CRELD2: variants seen among roughly 807,000 people sequenced by gnomAD.
CRELD2 encodes protein disulfide isomerase CRELD2.
A neutral mutation model predicts 48.1 loss-of-function variants in CRELD2; 33 were observed. The ratio of observed to expected loss-of-function variants is 0.69; its 90% CI spans 0.52 to 0.92. CRELD2 has a LOEUF of 0.92. Among genes scored for constraint, CRELD2 ranks in the 40% least tolerant of loss-of-function variants. The pLI is 0.00. For synonymous variants in CRELD2, 220 were observed against 203.9 expected, an observed-to-expected ratio of 1.08 and a Z score of -0.67; for missense variants, 477 against 482.4, an observed-to-expected ratio of 0.99 and a Z score of 0.10.
At chr22:49,920,054 T>G in intron 3 of CRELD2, 102 bp from the exon 4 acceptor site, 1 of 843,152 alleles carries the variant, frequency 1.2e-6, no homozygotes. Context: ...TCTTGTTTCC[T>G]GGACCTTACA....
In CRELD2 at chr22:49,918,863, C is replaced by T; in HGVS notation, c.94C>T (p.His32Tyr). Reference sequence around the variant, plus strand: ...GGCCGCCAAGAAGCCGACGCCCTGCCACCGGTGCCGGGGGCTGGTGGACAA... The same window carrying T: ...GGCCGCCAAGAAGCCGACGCCCTGCTACCGGTGCCGGGGGCTGGTGGACAA... ...PEAAKKPTPCHRCRGLVDKFN... is the reference protein window; with the variant it reads ...PEAAKKPTPCYRCRGLVDKFN... The change falls in exon 1 of 10, where the codon CAC becomes TAC. Residue 32 changes from histidine to tyrosine, a missense_variant. Coordinates refer to ENST00000328268, the MANE Select transcript of CRELD2 (RefSeq NM_024324.5). 7.6e-7 allele frequency: 1 copy of T among 1,308,096 alleles called. No individual in the cohort carries two copies. The highest frequency in any genetic ancestry group is 9.7e-7 in the Non-Finnish European group (1 of 1,030,906). The allele number at this position is 1,308,096 out of a possible 1,614,324, so 81.0% of individuals were successfully genotyped here. A position where few individuals can be genotyped will look rare whatever the true frequency, so the allele number is the denominator to read the frequency against.
intron 5 of CRELD2, chr22:49,922,352 GCGTGGCGTGGGCCACGCATGGATC>G: frequency 6.2e-7 from 1 of 1,611,296 alleles, no homozygotes; most frequent in East Asian, 2.2e-5. Flanking sequence ...TTGGATGTTG[GCGTGGCGTGGGCCACGCATGGATC>G]CGTGGCCGGA....
In CRELD2 at chr22:49,920,177, A is replaced by C. The variant is rs1157116747; in HGVS notation, c.345A>C (p.Leu115Phe). 6.2e-7 allele frequency: 1 copy of C among 1,612,348 alleles called. No individual in the cohort carries two copies. The highest frequency in any genetic ancestry group is 2.2e-5 in the East Asian group (1 of 44,832). ...WLQLKSEYPD[L>F]FEWFCVKTLK... ...TCAGGAAGAGCGAATATCCTGACTT[A>C]TTCGAGTGGTTTTGTGTGAAGACAC... The change falls in exon 4 of 10, where the codon TTA (leucine) becomes TTC (phenylalanine). Residue 115 changes from leucine to phenylalanine, a missense_variant. By Grantham distance (22) the Leu-to-Phe change is conservative. Coordinates refer to ENST00000328268, the MANE Select transcript of CRELD2 (RefSeq NM_024324.5).
At position 49,927,289 on chromosome 22, in the gene CRELD2, C is replaced by T. The variant is rs1569190050; in HGVS notation, c.1044C>T (p.Pro348=). 6.2e-7 allele frequency: 1 copy of T among 1,612,414 alleles called. No individual in the cohort carries two copies. Among genetic ancestry groups the T allele is most frequent in the South Asian group, 1.1e-5 (1 of 91,080 alleles). The stretch of plus-strand genomic sequence containing the variant: ...AAGGAGAAAGCCCGACACAGCTGCC[C>T]TCCCGCGAAGACCTGTAATGTGCCG... The part of the protein sequence containing the change: ...ATEGESPTQL[P]SREDL Residue 348 remains proline, a synonymous_variant, in exon 10 of 10, where the codon CCC becomes CCT. Transcript: ENST00000328268.
chr22:49,925,646 A>G (rs56865312), intron 9 of CRELD2, 89 bp downstream of exon 9: 6 of 1,584,812 alleles, frequency 3.8e-6, no homozygotes, highest in Admixed American at 3.5e-5. Flanking sequence ...TGAAATCCAC[A>G]CAGATGGTGG....
chr22:49,924,036 T>G, intron 7 of CRELD2: 1 of 259,500 alleles, frequency 3.9e-6, no homozygotes, highest in Non-Finnish European at 7.6e-6. Context: ...CTGGTTATTC[T>G]TAGGAAGCTC....
chr22:49,920,587 T>C (rs921941002), intron 4 of CRELD2, among the ~76,000 whole-genome samples: 5 of 152,250 alleles, frequency 3.3e-5, no homozygotes, highest in African/African-American at 4.8e-5. Context: ...TGCTTCTCCC[T>C]GTGTGCACAG....
chr22:49,921,509 T>G, intron 4 of CRELD2, 76 bp from the exon 5 acceptor site: 1 of 1,453,096 alleles, frequency 6.9e-7, no homozygotes. Flanking sequence ...TTGGGTGCCA[T>G]GCGTTCTCTC....
intron 7 of CRELD2, 152 bp from the exon 8 acceptor site, chr22:49,924,208 C>T (rs902305997): frequency 1.9e-5 from 11 of 578,024 alleles, no homozygotes; most frequent in African/African-American, 1.3e-4. Context: ...GTGCTTTTGC[C>T]GGGAGACAGA....
chr22:49,922,867 T>TGAG (rs2060712069), intron 6 of CRELD2, among the ~76,000 whole-genome samples, 160 bp downstream of exon 6: 1 of 31,284 alleles, frequency 3.2e-5, no homozygotes, highest in African/African-American at 1.5e-4. Flanking sequence ...GGGCTTGGGG[T>TGAG]GTGGGGGGCG....
At chr22:49,925,147 G>A (rs547451498) in intron 8 of CRELD2, 236 of 268,130 alleles carry the variant, frequency 8.8e-4, no homozygotes, top group African/African-American at 4.9e-3. Flanking sequence ...AAAAAAAAAA[G>A]GAAAAGAAAG....
chr22:49,921,323 G>T, intron 4 of CRELD2: 1 of 510,316 alleles, frequency 2.0e-6, no homozygotes, highest in African/African-American at 1.9e-5. Flanking sequence ...GCTATGCAGG[G>T]TCCCTTGTTG....
chr22:49,925,892 C>CG, intron 9 of CRELD2: 1 of 467,834 alleles, frequency 2.1e-6, no homozygotes, highest in Non-Finnish European at 3.2e-6. Flanking sequence ...TCCGGGGAAG[C>CG]TGCCCAGGGT....
Position 49,923,066 on chromosome 22 carries a change from G to A in CRELD2, c.689-168G>A. ...CGCCTCATCCCCTCCCCTGCCGCGTGGGGCCTCCGAGGATGGCATTTGAGA... is the reference window on the plus strand; with the variant it reads ...CGCCTCATCCCCTCCCCTGCCGCGTAGGGCCTCCGAGGATGGCATTTGAGA... On this transcript the variant is annotated intron_variant, in intron 6 of 9. Coordinates refer to ENST00000328268, the MANE Select transcript of CRELD2 (RefSeq NM_024324.5). 5.0e-6 allele frequency: 3 copies of A among 605,024 alleles called. No homozygotes were observed. In the South Asian group the frequency reaches 6.3e-5, roughly 13 times the overall value. The allele number at this position is 605,024 out of a possible 1,614,324, so 37.5% of individuals were successfully genotyped here. A position where few individuals can be genotyped will look rare whatever the true frequency, so the allele number is the denominator to read the frequency against.
chr22:49,924,078 C>A, intron 7 of CRELD2: 1 of 297,376 alleles, frequency 3.4e-6, no homozygotes, highest in Non-Finnish European at 6.4e-6. Flanking sequence ...GGTCACCGAG[C>A]TGGAGGTGGG....
At chr22:49,919,986 A>G in intron 3 of CRELD2, 146 bp downstream of exon 3, 1 of 808,672 alleles carries the variant, frequency 1.2e-6, no homozygotes, top group Admixed American at 2.5e-5. Context: ...GTTTTTTATC[A>G]CCAGAGTCAG....
At chr22:49,920,353 T>C in intron 4 of CRELD2, 106 bp downstream of exon 4, 3 of 763,792 alleles carry the variant, frequency 3.9e-6, no homozygotes, top group Non-Finnish European at 6.5e-6. Flanking sequence ...GCATCAGCTT[T>C]CTGTAGGGTC....
At chr22:49,925,304 G>A (rs2060748780) in intron 8 of CRELD2, 113 bp from the exon 9 acceptor site, 15 of 761,064 alleles carry the variant, frequency 2.0e-5, no homozygotes, top group Admixed American at 2.4e-5. Context: ...GTAACGTGAC[G>A]TTTGTCATCG....
chr22:49,924,436 G>A lies in CRELD2; in HGVS notation c.849G>A (p.Arg283=). The A allele has an allele frequency of 1.2e-6, 2 of 1,609,330 alleles. No individual in the cohort carries two copies. Among genetic ancestry groups the A allele is most frequent in the South Asian group, 2.2e-5 (2 of 90,106 alleles). The change falls in exon 8 of 10, where the codon AGG becomes AGA. Residue 283 remains arginine, a synonymous_variant. Transcript: ENST00000328268. Reference sequence around the variant, plus strand: ...AAGAGTGTATCTCTGGCTACGCGAGGGAGCACGGACAGTGTGCAGGTCAGT... The same window carrying A: ...AAGAGTGTATCTCTGGCTACGCGAGAGAGCACGGACAGTGTGCAGGTCAGT... ...NCKECISGYA[R]EHGQCADVDE... is the part of the protein sequence containing the mutation.
Sources: allele counts gnomAD v4.1 joint callset (sites outside exome capture counted in the v4.1 genomes callset), GRCh38; gene constraint gnomAD v4.1.1; transcripts MANE v1.5; gene names NCBI Gene and HGNC (gene_info 2026-07-23, HGNC 2026-07-21).